CHD1L: variants seen among roughly 807,000 people sequenced by gnomAD.
CHD1L encodes ATP-dependent chromatin remodeler CHD1L.
A neutral mutation model predicts 115.9 loss-of-function variants in CHD1L; 118 were observed. That is an observed-to-expected ratio of 1.02 (90% CI 0.88 to 1.19). The LOEUF is 1.19. CHD1L is among the 50% of genes most tolerant of loss of function. CHD1L has a pLI of 0.00. For missense variants in CHD1L, 1,179 were observed against 1,065.3 expected (o/e 1.11, Z -1.49); for synonymous variants, 411 against 387.1 (o/e 1.06, Z -0.72).
At chr1:147,195,476 G>C in the CHD1L span, among the ~76,000 whole-genome samples, 1 of 152,116 alleles carries the variant, frequency 6.6e-6, no homozygotes, top group Non-Finnish European at 1.5e-5. Flanking sequence ...TCCTGTGGAA[G>C]ATAAGCTTCA....
At chr1:147,267,741 TC>T (rs1217624142) in intron 9 of CHD1L, among the ~76,000 whole-genome samples, 1 of 152,194 alleles carries the variant, frequency 6.6e-6, no homozygotes, top group Non-Finnish European at 1.5e-5. Flanking sequence ...AAATCCACGA[TC>T]CAGTCCTAGA....
At chr1:147,192,614 T>G in the CHD1L span, among the ~76,000 whole-genome samples, 1 of 143,980 alleles carries the variant, frequency 6.9e-6, no homozygotes, top group Non-Finnish European at 1.6e-5. Context: ...ATGCTTCCAG[T>G]TTTTGCCCAT....
intron 20 of CHD1L, 30 bp from the exon 21 acceptor site, chr1:147,293,578 G>T: frequency 6.3e-7 from 1 of 1,586,288 alleles, no homozygotes; most frequent in South Asian, 1.1e-5. Flanking sequence ...TTTCATGTTG[G>T]GTTGGTCATC....
chr1:147,265,997 G>C lies in CHD1L; in HGVS notation c.805G>C (p.Glu269Gln). 6.2e-7 allele frequency: 1 copy of C among 1,613,908 alleles called. No individual in the cohort carries two copies. The highest frequency in any genetic ancestry group is 1.1e-5 in the South Asian group (1 of 91,062). Residue 269 changes from glutamate (E) to glutamine (Q), a missense_variant, in exon 8 of 23, where the codon GAG becomes CAG. Coordinates refer to ENST00000369258, the MANE Select transcript of CHD1L (RefSeq NM_004284.6). ...GCGAGTGAAAGCTGAGGTAGCTACA[G>C]AGCTTCCCAAGAAGACAGAAGTAGT... ...LRRVKAEVAT[E>Q]LPKKTEVVIY...
At chr1:147,236,220 G>C in the CHD1L span, among the ~76,000 whole-genome samples, 1 of 152,174 alleles carries the variant, frequency 6.6e-6, no homozygotes, top group African/African-American at 2.4e-5. Context: ...GATGCCAAGA[G>C]CTAAAGAGCC....
upstream of CHD1L, among the ~76,000 whole-genome samples, chr1:147,238,064 G>A (rs1268619703): frequency 6.6e-6 from 1 of 152,030 alleles, no homozygotes; most frequent in Non-Finnish European, 1.5e-5. Flanking sequence ...TATTTTCCCT[G>A]GCTTTCTGGG....
chr1:147,180,096 A>G, the CHD1L span, among the ~76,000 whole-genome samples: 5,735 of 152,256 alleles, frequency 0.038, 114 homozygotes, highest in African/African-American at 0.05. Flanking sequence ...GAACTCTACT[A>G]TTTTTGTAAC....
At chr1:147,223,208 T>C in the CHD1L span, among the ~76,000 whole-genome samples, 1 of 152,190 alleles carries the variant, frequency 6.6e-6, no homozygotes, top group East Asian at 1.9e-4. Context: ...TGTGGCTGGA[T>C]TTTAAGAGCA....
intron 17 of CHD1L, 142 bp downstream of exon 17, chr1:147,285,629 C>T: frequency 2.1e-6 from 2 of 959,764 alleles, no homozygotes; most frequent in South Asian, 3.6e-5. Flanking sequence ...TTTCTGAAAA[C>T]ATTTCCTCTA....
chr1:147,270,902 G>C, intron 10 of CHD1L, 30 bp from the exon 11 acceptor site: 4 of 1,598,266 alleles, frequency 2.5e-6, no homozygotes, highest in Non-Finnish European at 3.4e-6. Flanking sequence ...CACTAGACTT[G>C]GCAGTGTTTC....
intron 12 of CHD1L, among the ~76,000 whole-genome samples, chr1:147,273,228 T>C (rs1342540494): frequency 1.3e-5 from 2 of 152,150 alleles, no homozygotes; most frequent in South Asian, 2.1e-4. Flanking sequence ...TTTCAACTCA[T>C]AGGATCCTAG....
chr1:147,182,615 TTTATA>T, the CHD1L span, among the ~76,000 whole-genome samples: 5 of 152,224 alleles, frequency 3.3e-5, no homozygotes, highest in Non-Finnish European at 5.9e-5. Context: ...CAGGAGTAGT[TTTATA>T]TTATAGCGAG....
chr1:147,284,335 T>C lies in CHD1L; in HGVS notation c.1706-16T>C, dbSNP rs782418207. On this transcript the variant is annotated splice_polypyrimidine_tract_variant and intron_variant, in intron 15 of 22. Transcript: ENST00000369258. ...TTGGTATCTAACATTTCTCTCTTTGTGTTTTATGTTGTTAGAAAATCATAT... is the reference window on the plus strand; with the variant it reads ...TTGGTATCTAACATTTCTCTCTTTGCGTTTTATGTTGTTAGAAAATCATAT... 6.5e-7 allele frequency: 1 copy of C among 1,534,838 alleles called. No individual in the cohort carries two copies. Among genetic ancestry groups the C allele is most frequent in the Non-Finnish European group, 8.8e-7 (1 of 1,134,662 alleles).
At chr1:147,213,511 T>C in the CHD1L span, 1 of 1,533,052 alleles carries the variant, frequency 6.5e-7, no homozygotes, top group South Asian at 1.3e-5. Context: ...ATCCCTGACA[T>C]GACTCTCCTT....
chr1:147,183,467 T>A, the CHD1L span, among the ~76,000 whole-genome samples: 2 of 152,198 alleles, frequency 1.3e-5, no homozygotes, highest in Admixed American at 6.5e-5. Context: ...ACACACAGAT[T>A]AAGTACAAAA....
At chr1:147,217,172 G>A in the CHD1L span, among the ~76,000 whole-genome samples, 19 of 152,044 alleles carry the variant, frequency 1.2e-4, no homozygotes, top group South Asian at 2.1e-4. Context: ...CCCGGGAGGC[G>A]GAGGTTGCGG....
At chr1:147,271,684 G>C (rs1393359766) in intron 11 of CHD1L, among the ~76,000 whole-genome samples, 2 of 152,184 alleles carry the variant, frequency 1.3e-5, no homozygotes, top group African/African-American at 4.8e-5. Flanking sequence ...GGGGTCCCCA[G>C]ATGCATAAAC....
chr1:147,204,901 A>T, the CHD1L span: 5 of 1,581,620 alleles, frequency 3.2e-6, no homozygotes, highest in Non-Finnish European at 4.3e-6. Context: ...CATCTGGGCG[A>T]AGCCCGGAGC....
At chr1:147,276,341 C>T in intron 14 of CHD1L, 84 bp downstream of exon 14, 1 of 1,007,344 alleles carries the variant, frequency 9.9e-7, no homozygotes, top group Non-Finnish European at 1.4e-6. Flanking sequence ...AACCAGCACT[C>T]ACCCTCTCCC....
Sources: gnomAD v4.1 joint callset for allele counts (sites outside exome capture counted in the v4.1 genomes callset) on GRCh38, gnomAD v4.1.1 for gene constraint, MANE v1.5 for transcripts, NCBI Gene and HGNC (gene_info 2026-07-23, HGNC 2026-07-21) for gene names.